PAPPA: variants seen among roughly 807,000 people sequenced by gnomAD.
PAPPA encodes pappalysin 1.
Under a neutral mutation model 164.0 loss-of-function variants are expected in PAPPA, and 60 were observed. That is an observed-to-expected ratio of 0.37 (90% CI 0.30 to 0.45). The LOEUF is 0.45. PAPPA is among the 20% of genes least tolerant of loss of function. The pLI is 1.00. For synonymous variants in PAPPA, 875 were observed against 814.1 expected (o/e 1.07, Z -1.27); for missense variants, 1,782 against 2,087.3 (o/e 0.85, Z 2.85).
At chr9:116,239,809 A>C (rs1363687082) in intron 7 of PAPPA, among the ~76,000 whole-genome samples, 1 of 152,134 alleles carries the variant, frequency 6.6e-6, no homozygotes, top group Non-Finnish European at 1.5e-5. Context: ...GAGCTGAGAA[A>C]TGCATCCAAT....
At chr9:116,365,361 G>A (rs1011564824) in intron 18 of PAPPA, among the ~76,000 whole-genome samples, 11 of 152,094 alleles carry the variant, frequency 7.2e-5, no homozygotes, top group Non-Finnish European at 1.0e-4. Context: ...GGAAGGAGAC[G>A]CGGAGGCCTG....
At chr9:116,368,323 C>G (rs891153796) in intron 19 of PAPPA, among the ~76,000 whole-genome samples, 1 of 152,338 alleles carries the variant, frequency 6.6e-6, no homozygotes, top group South Asian at 2.1e-4. Flanking sequence ...CACGAAGACT[C>G]CATTTTAGCC....
At position 116,257,557 on chromosome 9, in the gene PAPPA, T is replaced by C. The variant is rs1844943437; in HGVS notation, c.2733-8300T>C. ...TCTATTAAAAATACAAAAAAATTAGTGGGGCATGGTGGCGGGCGCCTGTAG... is the reference window on the plus strand; with the variant it reads ...TCTATTAAAAATACAAAAAAATTAGCGGGGCATGGTGGCGGGCGCCTGTAG... On this transcript the variant is annotated intron_variant, in intron 7 of 21. Transcript: ENST00000328252. Among the ~76,000 whole-genome samples, 4 of 151,632 alleles carry C rather than the reference T, an allele frequency of 2.6e-5. No homozygotes were observed. The South Asian group carries it at 8.4e-4, about 32-fold the overall frequency.
intron 19 of PAPPA, among the ~76,000 whole-genome samples, chr9:116,374,426 G>T (rs1176219991): frequency 6.6e-6 from 1 of 152,156 alleles, no homozygotes; most frequent in African/African-American, 2.4e-5. Flanking sequence ...CCTGTAAACA[G>T]CCTAGCCAAT....
intron 5 of PAPPA, among the ~76,000 whole-genome samples, chr9:116,225,098 A>G (rs970461873): frequency 1.3e-5 from 2 of 152,254 alleles, no homozygotes; most frequent in African/African-American, 4.8e-5. Context: ...TATGTGTATC[A>G]CCCACAATGA....
chr9:116,182,253 A>G (rs1274435105), intron 1 of PAPPA, among the ~76,000 whole-genome samples: 1 of 152,242 alleles, frequency 6.6e-6, no homozygotes, highest in Non-Finnish European at 1.5e-5. Context: ...ACTCTTATAG[A>G]GAAGGCAGAA....
chr9:116,194,909 A>C (rs1036864575), intron 2 of PAPPA, among the ~76,000 whole-genome samples: 1 of 152,196 alleles, frequency 6.6e-6, no homozygotes, highest in Non-Finnish European at 1.5e-5. Flanking sequence ...CAAAATATTA[A>C]CTTTTTTTAA....
At chr9:116,201,928 C>T (rs536951051) in intron 2 of PAPPA, among the ~76,000 whole-genome samples, 3 of 152,304 alleles carry the variant, frequency 2.0e-5, no homozygotes, top group African/African-American at 7.2e-5. Flanking sequence ...TACGCATGGC[C>T]AGTACCATCT....
intron 4 of PAPPA, among the ~76,000 whole-genome samples, chr9:116,213,807 A>G (rs925585667): frequency 5.3e-5 from 8 of 152,164 alleles, no homozygotes; most frequent in South Asian, 2.1e-4. Flanking sequence ...ACAAAAGCAT[A>G]TTCAAGGCAA....
chr9:116,254,678 A>G (rs998354133), intron 7 of PAPPA, among the ~76,000 whole-genome samples: 3 of 151,680 alleles, frequency 2.0e-5, no homozygotes, highest in African/African-American at 7.3e-5. Flanking sequence ...GCTACTCAGG[A>G]AGCTGAGGCA....
chr9:116,286,643 G>C (rs1326878224), intron 9 of PAPPA: 1 of 152,022 alleles, frequency 6.6e-6, no homozygotes, highest in Non-Finnish European at 1.5e-5. Context: ...CAAAAACTCG[G>C]ATTTCACTCT....
In PAPPA at chr9:116,362,508, A is replaced by G; in HGVS notation, c.4348-84A>G. ...CTTCAGAGCTCTGGAGAGATGAAAA[A>G]TTCTTTTCTGTTGTATTCAGAATAG... On this transcript the variant is annotated intron_variant, in intron 17 of 21. Coordinates refer to ENST00000328252, the MANE Select transcript of PAPPA (RefSeq NM_002581.5). 2.1e-6 allele frequency: 3 copies of G among 1,442,502 alleles called. No homozygotes were observed. The South Asian group carries it at 4.1e-5, about 20-fold the overall frequency. The allele number at this position is 1,442,502 out of a possible 1,614,324, so 89.4% of individuals were successfully genotyped here.
intron 19 of PAPPA, among the ~76,000 whole-genome samples, chr9:116,376,782 G>A (rs142099745): frequency 1.3e-5 from 2 of 152,302 alleles, no homozygotes; most frequent in Admixed American, 1.3e-4. Context: ...AAATGGGGAA[G>A]GGCATTCAGG....
At chr9:116,369,312 G>A (rs12685916) in intron 19 of PAPPA, among the ~76,000 whole-genome samples, 5,686 of 152,228 alleles carry the variant, frequency 0.037, 212 homozygotes, top group East Asian at 0.17. Flanking sequence ...ATATACCCAG[G>A]CATGCAGGGA....
chr9:116,381,920 C>T (rs1026117299), intron 20 of PAPPA, among the ~76,000 whole-genome samples: 7 of 152,212 alleles, frequency 4.6e-5, no homozygotes, highest in African/African-American at 1.7e-4. Context: ...TGAGTTCTTA[C>T]ATTTTATCTT....
chr9:116,275,227 A>G (rs1845182431), intron 9 of PAPPA, among the ~76,000 whole-genome samples: 1 of 152,234 alleles, frequency 6.6e-6, no homozygotes, highest in Non-Finnish European at 1.5e-5. Flanking sequence ...TTATTGCCAT[A>G]AGATAATGTG....
At chr9:116,178,320 C>G (rs981386770) in intron 1 of PAPPA, among the ~76,000 whole-genome samples, 2 of 152,064 alleles carry the variant, frequency 1.3e-5, no homozygotes, top group African/African-American at 4.8e-5. Context: ...GTTGGCCAGG[C>G]TGGTCTTGAA....
At chr9:116,234,828 C>A (rs1335788324) in intron 6 of PAPPA, among the ~76,000 whole-genome samples, 1 of 152,174 alleles carries the variant, frequency 6.6e-6, no homozygotes, top group Non-Finnish European at 1.5e-5. Flanking sequence ...CCCTTTACTT[C>A]TTTTCATCTT....
At chr9:116,274,411 G>A (rs979908375) in intron 9 of PAPPA, among the ~76,000 whole-genome samples, 3 of 152,154 alleles carry the variant, frequency 2.0e-5, no homozygotes, top group Admixed American at 6.6e-5. Flanking sequence ...ATCTTCCTCC[G>A]AAAGGAACAG....
Sources: gnomAD v4.1 joint callset for allele counts (sites outside exome capture counted in the v4.1 genomes callset) on GRCh38, gnomAD v4.1.1 for gene constraint, MANE v1.5 for transcripts, NCBI Gene and HGNC (gene_info 2026-07-23, HGNC 2026-07-21) for gene names.